The following MCTP1 variants were observed in gnomAD, a reference collection of about 807,000 sequenced individuals.
MCTP1 encodes the protein multiple C2 and transmembrane domain-containing protein 1.
Under a neutral mutation model 120.6 loss-of-function variants are expected in MCTP1, and 69 were observed. The ratio of observed to expected loss-of-function variants is 0.57; its 90% CI spans 0.47 to 0.70. The LOEUF (loss-of-function observed/expected upper bound fraction) is 0.70. Ranked by LOEUF, MCTP1 falls within the 30% of genes least tolerant of loss-of-function variation. The probability of loss-of-function intolerance (pLI) is 0.00; values close to 1 mark genes in which losing one functional copy is unlikely to be tolerated. For missense variants in MCTP1, 1,203 were observed against 1,248.8 expected (o/e 0.96, Z 0.55); for synonymous variants, 529 against 493.1 (o/e 1.07, Z -0.96).
At chr5:94,731,121 AT>A (rs535255133) in intron 19 of MCTP1, among the ~76,000 whole-genome samples, 7 of 152,000 alleles carry the variant, frequency 4.6e-5, no homozygotes, top group African/African-American at 1.2e-4. Flanking sequence ...CAAAGAACAA[AT>A]TTTTTTTGGT....
At chr5:95,178,555 A>C (rs1440526029) in intron 1 of MCTP1, among the ~76,000 whole-genome samples, 1 of 152,136 alleles carries the variant, frequency 6.6e-6, no homozygotes, top group Non-Finnish European at 1.5e-5. Flanking sequence ...CTGCTGGGTG[A>C]CTAGACCCAG....
At chr5:94,832,118 T>G (rs887325681) in intron 17 of MCTP1, among the ~76,000 whole-genome samples, 1 of 152,220 alleles carries the variant, frequency 6.6e-6, no homozygotes, top group East Asian at 1.9e-4. Flanking sequence ...ACAGTTTCTG[T>G]GGTATCCTTA....
At chr5:95,003,052 C>A (rs1363877697) in intron 2 of MCTP1, among the ~76,000 whole-genome samples, 1 of 152,130 alleles carries the variant, frequency 6.6e-6, no homozygotes, top group Non-Finnish European at 1.5e-5. Context: ...TCTGACATTT[C>A]CCCTGCTGGC....
intron 2 of MCTP1, among the ~76,000 whole-genome samples, chr5:94,977,583 T>C (rs1314492423): frequency 6.6e-6 from 1 of 152,082 alleles, no homozygotes; most frequent in Non-Finnish European, 1.5e-5. Context: ...ATTACAAAGC[T>C]ACAGTAATTA....
At chr5:95,074,783 C>T (rs369416322) in intron 1 of MCTP1, among the ~76,000 whole-genome samples, 68 of 152,190 alleles carry the variant, frequency 4.5e-4, no homozygotes, top group East Asian at 2.7e-3. Flanking sequence ...TGTTTCGTGG[C>T]CACAAGGAAA....
At chr5:95,212,763 C>G (rs1193986244) in intron 1 of MCTP1, among the ~76,000 whole-genome samples, 4 of 151,994 alleles carry the variant, frequency 2.6e-5, no homozygotes, top group African/African-American at 9.7e-5. Flanking sequence ...AGACAAAAAC[C>G]ACATGATTAT....
At chr5:95,058,601 A>G (rs1748055553) in intron 1 of MCTP1, among the ~76,000 whole-genome samples, 1 of 152,222 alleles carries the variant, frequency 6.6e-6, no homozygotes, top group African/African-American at 2.4e-5. Context: ...GAAATTGTTA[A>G]GCCTTCTACA....
rs547449540 is a variant in MCTP1, at chr5:95,147,846, A to G, written c.721-130362T>C. On this transcript the variant is annotated intron_variant, in intron 1 of 22. Transcript: ENST00000515393. ...TTGTGGTAGCAAGTATCAGTCTTTC[A>G]TTTCCATGTTTAGCATTCCCTTTAG... Among the ~76,000 whole-genome samples, 3 of 152,238 alleles carry G rather than the reference A, an allele frequency of 2.0e-5. No homozygotes were observed. In the East Asian group the frequency reaches 5.8e-4, roughly 29 times the overall value.
At chr5:94,708,304 C>CAACT (rs1227083476) in intron 22 of MCTP1, 1 of 400,068 alleles carries the variant, frequency 2.5e-6, no homozygotes, top group Non-Finnish European at 4.5e-6. Context: ...GTTCTTTATG[C>CAACT]AACTGCTCTT....
chr5:94,788,878 A>G (rs1412111249), intron 18 of MCTP1: 1 of 152,226 alleles, frequency 6.6e-6, no homozygotes, highest in Non-Finnish European at 1.5e-5. Context: ...TTGGAAGAAC[A>G]GAAATGATAA....
At chr5:94,932,255 G>A (rs1177568097) in intron 5 of MCTP1, among the ~76,000 whole-genome samples, 3 of 146,434 alleles carry the variant, frequency 2.0e-5, no homozygotes, top group Admixed American at 6.9e-5. Flanking sequence ...GTATCGGGAT[G>A]CCTTTATTGA....
At chr5:94,920,664 C>A (rs1164023776) in intron 7 of MCTP1, among the ~76,000 whole-genome samples, 1 of 151,758 alleles carries the variant, frequency 6.6e-6, no homozygotes, top group Non-Finnish European at 1.5e-5. Context: ...ATGGCGTGAA[C>A]CCGGGAGGCG....
chr5:94,995,959 T>C (rs899967448), intron 2 of MCTP1, among the ~76,000 whole-genome samples: 1 of 152,206 alleles, frequency 6.6e-6, no homozygotes, highest in African/African-American at 2.4e-5. Flanking sequence ...TTAAAGGTGT[T>C]AATATTACTT....
At chr5:94,798,771 C>A (rs1433053589) in intron 18 of MCTP1, among the ~76,000 whole-genome samples, 1 of 152,086 alleles carries the variant, frequency 6.6e-6, no homozygotes, top group Admixed American at 6.6e-5. Context: ...AATCATAGCT[C>A]ATTCTTTGAT....
At chr5:94,824,510 G>C (rs1786495550) in intron 17 of MCTP1, among the ~76,000 whole-genome samples, 1 of 152,086 alleles carries the variant, frequency 6.6e-6, no homozygotes, top group Non-Finnish European at 1.5e-5. Flanking sequence ...TTTTTGTTGT[G>C]TCTCTGCCAG....
At chr5:95,234,134 A>C (rs1254062496) in intron 1 of MCTP1, among the ~76,000 whole-genome samples, 1 of 152,198 alleles carries the variant, frequency 6.6e-6, no homozygotes, top group Non-Finnish European at 1.5e-5. Context: ...AATACACTTG[A>C]AACTTTTGTC....
At chr5:95,214,125 G>T (rs554055552) in intron 1 of MCTP1, among the ~76,000 whole-genome samples, 23 of 152,336 alleles carry the variant, frequency 1.5e-4, no homozygotes, top group African/African-American at 5.5e-4. Flanking sequence ...TTTGACAAAG[G>T]GCTAATATCC....
chr5:95,175,533 A>G (rs1747861845), intron 1 of MCTP1, among the ~76,000 whole-genome samples: 1 of 152,220 alleles, frequency 6.6e-6, no homozygotes, highest in Non-Finnish European at 1.5e-5. Flanking sequence ...AATTAAAAGA[A>G]TATCCAAAGT....
intron 1 of MCTP1, among the ~76,000 whole-genome samples, chr5:95,257,638 T>C (rs1758025104): frequency 6.6e-6 from 1 of 152,190 alleles, no homozygotes; most frequent in Admixed American, 6.5e-5. Flanking sequence ...TGAGCACACT[T>C]AGTGCCCAGA....
Sources: allele counts gnomAD v4.1 joint callset (sites outside exome capture counted in the v4.1 genomes callset), GRCh38; gene constraint gnomAD v4.1.1; transcripts MANE v1.5; gene names NCBI Gene and HGNC (gene_info 2026-07-23, HGNC 2026-07-21).